ALDH1A2: variants seen among roughly 807,000 people sequenced by gnomAD.
The protein encoded by ALDH1A2 is retinal dehydrogenase 2.
ALDH1A2 carries 27 observed loss-of-function variants against 60.3 expected under a neutral mutation model. The ratio of observed to expected loss-of-function variants is 0.45; its 90% CI spans 0.33 to 0.62. The LOEUF is 0.62. Ranked by LOEUF, ALDH1A2 falls within the 20% of genes least tolerant of loss-of-function variation. ALDH1A2 has a pLI of 0.02. For synonymous variants in ALDH1A2, 289 were observed against 232.4 expected (o/e 1.24, Z -2.21); for missense variants, 581 against 643.8 (o/e 0.90, Z 1.06).
chr15:58,042,057 C>T (rs116797797), intron 1 of ALDH1A2, among the ~76,000 whole-genome samples: 3 of 151,824 alleles, frequency 2.0e-5, no homozygotes, highest in Admixed American at 6.6e-5. Flanking sequence ...TGATTTTTGG[C>T]GAGACACAAA....
At chr15:57,985,985 C>T (rs1396814425) in intron 7 of ALDH1A2, among the ~76,000 whole-genome samples, 1 of 152,062 alleles carries the variant, frequency 6.6e-6, no homozygotes, top group Non-Finnish European at 1.5e-5. Flanking sequence ...TTTGGTTTGA[C>T]CAACTGAAGT....
Position 57,994,012 on chromosome 15 carries a change from C to A in ALDH1A2, c.556-939G>T, listed in dbSNP as rs145648117. ...GGGAGTCCACCGTAATGTTTTAATT[C>A]CATCTACAGTGTATAAATCTTAAAG... On this transcript the variant is annotated intron_variant, in intron 5 of 12. Coordinates refer to ENST00000249750, the MANE Select transcript of ALDH1A2 (RefSeq NM_003888.4). Among the ~76,000 whole-genome samples, 359 of 152,290 alleles carry A rather than the reference C, an allele frequency of 2.4e-3. 1 individual carries two copies. The highest frequency in any genetic ancestry group is 8.3e-3 in the African/African-American group (346 of 41,558).
At chr15:57,984,352 A>G (rs1422383648) in intron 7 of ALDH1A2, among the ~76,000 whole-genome samples, 6 of 152,228 alleles carry the variant, frequency 3.9e-5, no homozygotes, top group African/African-American at 1.2e-4. Context: ...TTGTAAAATT[A>G]ATTGATTTTT....
chr15:58,001,916 A>T (rs1405114731), intron 4 of ALDH1A2, among the ~76,000 whole-genome samples: 8 of 151,968 alleles, frequency 5.3e-5, no homozygotes, highest in African/African-American at 1.9e-4. Context: ...TGAGAACACA[A>T]CTATGATGGA....
At chr15:58,053,170 C>G (rs1896817647) in intron 1 of ALDH1A2, among the ~76,000 whole-genome samples, 1 of 152,074 alleles carries the variant, frequency 6.6e-6, no homozygotes, top group Admixed American at 6.6e-5. Context: ...TTATAAAACA[C>G]ACAGTACTTA....
Position 57,961,094 on chromosome 15 carries a change from A to C in ALDH1A2, c.1409+43T>G, listed in dbSNP as rs1893701424. 2.5e-6 allele frequency: 4 copies of C among 1,610,002 alleles called. No individual in the cohort carries two copies. In the South Asian group the frequency reaches 3.3e-5, roughly 13 times the overall value. On this transcript the variant is annotated intron_variant, in intron 11 of 12. Transcript: ENST00000249750. ...ACTTGTTTATTTCACCCTGGTCCCTATACCACCAGTGGAATTTGTTACAAG... is the reference window on the plus strand; with the variant it reads ...ACTTGTTTATTTCACCCTGGTCCCTCTACCACCAGTGGAATTTGTTACAAG...
At chr15:58,061,664 G>A (rs1897043075) in intron 1 of ALDH1A2, among the ~76,000 whole-genome samples, 2 of 143,560 alleles carry the variant, frequency 1.4e-5, no homozygotes, top group Non-Finnish European at 3.0e-5. Flanking sequence ...GCCACAGACC[G>A]TTAGAAAAAG....
intron 1 of ALDH1A2, chr15:58,057,969 A>G (rs757931538): frequency 2.3e-5 from 22 of 953,300 alleles, no homozygotes; most frequent in East Asian, 9.4e-5. Flanking sequence ...AAATAATACA[A>G]TTATATTATC....
chr15:57,985,663 T>C (rs1371497736), intron 7 of ALDH1A2, among the ~76,000 whole-genome samples: 4 of 152,188 alleles, frequency 2.6e-5, no homozygotes, highest in African/African-American at 9.7e-5. Flanking sequence ...CAGTCTTTCC[T>C]CCTTCATGTA....
At chr15:58,022,241 T>A (rs568424807) in intron 1 of ALDH1A2, among the ~76,000 whole-genome samples, 1 of 152,232 alleles carries the variant, frequency 6.6e-6, no homozygotes, top group Admixed American at 6.5e-5. Flanking sequence ...GTCCTGGAGA[T>A]TGCCCAACCC....
At chr15:57,974,913 A>G (rs1346479943) in intron 7 of ALDH1A2, among the ~76,000 whole-genome samples, 1 of 152,268 alleles carries the variant, frequency 6.6e-6, no homozygotes. Context: ...CAAAGTGTGC[A>G]AAGATTTAAA....
At chr15:58,033,752 C>G (rs1441385978) in intron 1 of ALDH1A2, among the ~76,000 whole-genome samples, 1 of 146,958 alleles carries the variant, frequency 6.8e-6, no homozygotes, top group Non-Finnish European at 1.5e-5. Flanking sequence ...ACAATCCTTT[C>G]TCCACTATGT....
At chr15:58,040,268 G>A (rs1363532610) in intron 1 of ALDH1A2, among the ~76,000 whole-genome samples, 1 of 151,846 alleles carries the variant, frequency 6.6e-6, no homozygotes, top group Non-Finnish European at 1.5e-5. Flanking sequence ...AGCTGAAGAG[G>A]CAGAATTGTT....
chr15:58,052,092 C>T (rs4646568), intron 1 of ALDH1A2, among the ~76,000 whole-genome samples: 47,072 of 151,918 alleles, frequency 0.31, 7,607 homozygotes, highest in Non-Finnish European at 0.36. Context: ...TTTTGATTTC[C>T]GCTGGATCTT....
chr15:57,959,761 G>A (rs1893660640), intron 12 of ALDH1A2, among the ~76,000 whole-genome samples: 1 of 152,160 alleles, frequency 6.6e-6, no homozygotes. Context: ...CGAGCAGTGT[G>A]ATTCTAGAAA....
At chr15:58,040,064 C>T (rs1208062778) in intron 1 of ALDH1A2, among the ~76,000 whole-genome samples, 5 of 151,814 alleles carry the variant, frequency 3.3e-5, no homozygotes, top group African/African-American at 4.8e-5. Flanking sequence ...TTATTGAATA[C>T]CTACTATGAA....
rs147218000 is a variant in ALDH1A2 at position 58,055,747 on chromosome 15, T to C, written c.117+9787A>G. ...AAATTCAAACACAAAGGTAAATATATACACCAGCTTTGGGTTTAGAACTTA... is the reference window on the plus strand; with the variant it reads ...AAATTCAAACACAAAGGTAAATATACACACCAGCTTTGGGTTTAGAACTTA... On this transcript the variant is annotated intron_variant, in intron 1 of 12. Coordinates refer to ENST00000249750, the MANE Select transcript of ALDH1A2 (RefSeq NM_003888.4). 2.3e-4 allele frequency among the ~76,000 whole-genome samples: 35 copies of C among 152,208 alleles called. No individual in the cohort carries two copies. The East Asian group carries it at 5.0e-3, about 22-fold the overall frequency.
chr15:57,991,724 A>T (rs1476498610), intron 7 of ALDH1A2: 1 of 152,234 alleles, frequency 6.6e-6, no homozygotes, highest in Non-Finnish European at 1.5e-5. Context: ...TATTAACATT[A>T]ATTTCACGTA....
chr15:58,003,703 T>G (rs1595659241), intron 4 of ALDH1A2, among the ~76,000 whole-genome samples: 1 of 151,784 alleles, frequency 6.6e-6, no homozygotes, highest in African/African-American at 2.4e-5. Context: ...CACAAAGAGG[T>G]TGTAGACGTG....
Sources: gnomAD v4.1 joint callset for allele counts (sites outside exome capture counted in the v4.1 genomes callset) on GRCh38, gnomAD v4.1.1 for gene constraint, MANE v1.5 for transcripts, NCBI Gene and HGNC (gene_info 2026-07-23, HGNC 2026-07-21) for gene names.